The following SNX7 variants were observed in gnomAD, a reference collection of about 807,000 sequenced individuals.
SNX7 encodes sorting nexin-7.
A neutral mutation model predicts 48.4 loss-of-function variants in SNX7; 35 were observed. That is an observed-to-expected ratio of 0.72 (90% confidence interval 0.55 to 0.96). SNX7 has a LOEUF of 0.96. SNX7 is among the 40% of genes least tolerant of loss of function. SNX7 has a pLI of 0.00. For synonymous variants in SNX7, 190 were observed against 190.2 expected (o/e 1.00, Z 0.01); for missense variants, 553 against 548.9 (o/e 1.01, Z -0.07).
intron 1 of SNX7, among the ~76,000 whole-genome samples, chr1:98,684,137 T>C (rs1210946350): frequency 1.3e-5 from 2 of 152,232 alleles, no homozygotes; most frequent in Non-Finnish European, 2.9e-5. Context: ...TGCCTCTTCC[T>C]AGTTTACTGT....
At chr1:98,720,890 G>A (rs1652832836) in intron 7 of SNX7, among the ~76,000 whole-genome samples, 1 of 151,952 alleles carries the variant, frequency 6.6e-6, no homozygotes, top group Non-Finnish European at 1.5e-5. Flanking sequence ...GCTTTGGTAG[G>A]GATTCAGACA....
chr1:98,677,790 A>G (rs1377052210), intron 1 of SNX7, among the ~76,000 whole-genome samples: 2 of 151,656 alleles, frequency 1.3e-5, no homozygotes, highest in Non-Finnish European at 2.9e-5. Context: ...ACGCAGGAGA[A>G]TTGCTTGAAC....
intron 7 of SNX7, among the ~76,000 whole-genome samples, chr1:98,702,352 A>G (rs565550194): frequency 4.6e-5 from 7 of 152,202 alleles, no homozygotes; most frequent in Admixed American, 2.6e-4. Context: ...TGCAAGTTTA[A>G]TCTTTCCCTT....
intron 8 of SNX7, 127 bp downstream of exon 8, chr1:98,738,516 T>G (rs2101035231): frequency 1.1e-6 from 1 of 904,916 alleles, no homozygotes; most frequent in East Asian, 2.7e-5. Context: ...GGTAGCTTGG[T>G]TTTGATGAAG....
intron 1 of SNX7, among the ~76,000 whole-genome samples, chr1:98,672,107 T>C (rs1267855627): frequency 1.3e-5 from 2 of 152,198 alleles, no homozygotes; most frequent in Admixed American, 1.3e-4. Context: ...ACTCTCTTCA[T>C]CAGCTTTCAT....
At chr1:98,693,728 T>C (rs944118151) in intron 4 of SNX7, among the ~76,000 whole-genome samples, 67 of 152,218 alleles carry the variant, frequency 4.4e-4, no homozygotes, top group African/African-American at 1.5e-3. Context: ...TTACTTTGTA[T>C]GTATTCTGCA....
chr1:98,670,509 A>G (rs983620187), intron 1 of SNX7, among the ~76,000 whole-genome samples: 4 of 152,250 alleles, frequency 2.6e-5, no homozygotes, highest in Admixed American at 2.6e-4. Flanking sequence ...GTTTTGGTCA[A>G]TGATGGACTG....
At chr1:98,699,643 A>T (rs1651651109) in intron 6 of SNX7, among the ~76,000 whole-genome samples, 1 of 151,972 alleles carries the variant, frequency 6.6e-6, no homozygotes. Context: ...TATAATTGGA[A>T]CCATGGTTTC....
intron 1 of SNX7, among the ~76,000 whole-genome samples, chr1:98,670,279 T>TG: frequency 6.6e-6 from 1 of 152,098 alleles, no homozygotes. Context: ...TTCTTTTACT[T>TG]GAAAAAAAAC....
upstream of SNX7, chr1:98,661,569 G>GCCCGGGCCAGCGCTGGT: frequency 1.7e-6 from 1 of 599,172 alleles, no homozygotes. Flanking sequence ...GATGCGCCCG[G>GCCCGGGCCAGCGCTGGT]CCCGGGCCAG....
Position 98,661,931 on chromosome 1 carries a change from G to C in SNX7, c.180+20G>C. 1 of 1,246,798 alleles carries C rather than the reference G, an allele frequency of 8.0e-7. No homozygotes were observed. The highest frequency in any genetic ancestry group is 2.8e-4 in the Middle Eastern group (1 of 3,630). The allele number at this position is 1,246,798 out of a possible 1,614,324, so 77.2% of individuals were successfully genotyped here. On this transcript the variant is annotated intron_variant, in intron 1 of 8. Coordinates refer to ENST00000306121, the MANE Select transcript of SNX7 (RefSeq NM_015976.5). ...AGCAAGGTGAGGGCGGCGGCGGCGA[G>C]TCCCGGGAAACTTCCAAGGCAACTC...
chr1:98,756,761 CAG>C (rs1469178891), intron 8 of SNX7, among the ~76,000 whole-genome samples: 46 of 152,120 alleles, frequency 3.0e-4, no homozygotes, highest in South Asian at 2.1e-4. Flanking sequence ...CCTTTTAACT[CAG>C]TGAGTCAGCC....
At chr1:98,710,239 A>C (rs981493899) in intron 7 of SNX7, among the ~76,000 whole-genome samples, 4 of 152,196 alleles carry the variant, frequency 2.6e-5, no homozygotes, top group African/African-American at 9.7e-5. Context: ...AAGTAACTGC[A>C]TATTAAGGTT....
rs1280765625 is a variant in SNX7, at chr1:98,695,700, T to C, written c.822T>C (p.Ile274=). 1 of 1,571,780 alleles carries C rather than the reference T, an allele frequency of 6.4e-7. No individual in the cohort carries two copies. Among genetic ancestry groups the C allele is most frequent in the Non-Finnish European group, 8.8e-7 (1 of 1,141,764 alleles). The change falls in exon 5 of 9, where the codon ATT becomes ATC. Residue 274 remains isoleucine (I), a synonymous_variant. Coordinates refer to ENST00000306121, the MANE Select transcript of SNX7 (RefSeq NM_015976.5). ...TGATAGATAAAATATCTCAGAGAAT[T>C]TATAAGGAAGAAAGGGGTAAGTAGA... ...INLIDKISQR[I]YKEEREYFDE... is the part of the protein sequence containing the mutation.
chr1:98,724,275 G>C (rs540688681), intron 7 of SNX7, among the ~76,000 whole-genome samples: 10 of 151,988 alleles, frequency 6.6e-5, no homozygotes, highest in African/African-American at 2.2e-4. Flanking sequence ...AACCCACTCT[G>C]GCCATTGCTG....
At chr1:98,681,068 C>G (rs1310996800) in intron 1 of SNX7, among the ~76,000 whole-genome samples, 2 of 152,326 alleles carry the variant, frequency 1.3e-5, no homozygotes, top group East Asian at 3.9e-4. Flanking sequence ...TAATGACTTA[C>G]AATTCCACGT....
At chr1:98,706,779 C>T (rs999803019) in intron 7 of SNX7, among the ~76,000 whole-genome samples, 8 of 151,874 alleles carry the variant, frequency 5.3e-5, no homozygotes, top group African/African-American at 1.5e-4. Flanking sequence ...GGCTGTGGAT[C>T]GTGAGCCAAT....
intron 7 of SNX7, among the ~76,000 whole-genome samples, chr1:98,723,852 CTT>C (rs1247839500): frequency 6.6e-6 from 1 of 151,304 alleles, no homozygotes; most frequent in African/African-American, 2.4e-5. Flanking sequence ...TGGAGCAAGA[CTT>C]TGACTCAAAA....
chr1:98,691,267 A>G lies in SNX7; in HGVS notation c.474+82A>G, dbSNP rs148599609. On this transcript the variant is annotated intron_variant, in intron 3 of 8. Transcript: ENST00000306121. ...TTTTGAATGCCTAAAACCTAATTTC[A>G]GACCTTAAGTTCACTGTAATTCATT... 163 of 759,786 alleles carry G rather than the reference A, an allele frequency of 2.1e-4. 1 individual carries two copies. In the African/African-American group the frequency reaches 2.5e-3, roughly 12 times the overall value. The allele number at this position is 759,786 out of a possible 1,614,324, so 47.1% of individuals were successfully genotyped here.
Sources: gnomAD v4.1 joint callset for allele counts (sites outside exome capture counted in the v4.1 genomes callset) on GRCh38, gnomAD v4.1.1 for gene constraint, MANE v1.5 for transcripts, NCBI Gene and HGNC (gene_info 2026-07-23, HGNC 2026-07-21) for gene names.